Variants in MAPK4 observed in about 807,000 individuals in gnomAD.
The protein encoded by MAPK4 is mitogen-activated protein kinase 4.
MAPK4 carries 22 observed loss-of-function variants against 47.7 expected under a neutral mutation model. The observed-to-expected ratio is 0.46, with a 90% CI of 0.33 to 0.66. The LOEUF is 0.66. Ranked by LOEUF, MAPK4 falls within the 30% of genes least tolerant of loss-of-function variation. The pLI is 0.02. For missense variants in MAPK4, 736 were observed against 831.7 expected (o/e 0.88, Z 1.42); for synonymous variants, 390 against 365.7 (o/e 1.07, Z -0.76).
At chr18:50,584,954 C>G (rs912174496) in intron 1 of MAPK4, among the ~76,000 whole-genome samples, 2 of 152,228 alleles carry the variant, frequency 1.3e-5, no homozygotes, top group African/African-American at 4.8e-5. Flanking sequence ...CCTTGCATAA[C>G]TGAAGGAAAT....
In MAPK4 at chr18:50,624,437, T is replaced by C. The variant is rs142382248; in HGVS notation, c.-870-38652T>C. ...GGCAGTGTAGTACTGTATATGGCGA[T>C]GCTGTGGAGCTATTCCATGATGTTG... On this transcript the variant is annotated intron_variant, in intron 1 of 5. Coordinates refer to ENST00000400384, the MANE Select transcript of MAPK4 (RefSeq NM_002747.4). 4.2e-3 allele frequency among the ~76,000 whole-genome samples: 640 copies of C among 151,380 alleles called. 7 individuals are homozygous for C. The highest frequency in any genetic ancestry group is 0.015 in the African/African-American group (608 of 40,652).
At chr18:50,596,549 C>T (rs1212626272) in intron 1 of MAPK4, among the ~76,000 whole-genome samples, 2 of 152,106 alleles carry the variant, frequency 1.3e-5, no homozygotes, top group Non-Finnish European at 2.9e-5. Flanking sequence ...AGCTCCAGAC[C>T]TCATTACAGG....
chr18:50,670,461 A>C (rs998730592), intron 2 of MAPK4, among the ~76,000 whole-genome samples: 2 of 152,070 alleles, frequency 1.3e-5, no homozygotes, highest in Non-Finnish European at 2.9e-5. Flanking sequence ...GGATGCCTTA[A>C]AAATTAACTA....
In MAPK4 at chr18:50,729,365, G is replaced by A. The variant is rs201785400; in HGVS notation, c.1275G>A (p.Gly425=). Reference sequence around the variant, plus strand: ...AGCGCGCCTTCGAGGCCGACTACGGGCGCTCCTGCGACTACAAGGTGGGGT... The same window carrying A: ...AGCGCGCCTTCGAGGCCGACTACGGACGCTCCTGCGACTACAAGGTGGGGT... ...SMERAFEADY[G]RSCDYKVGSP... is the part of the protein sequence containing the mutation. Residue 425 remains glycine (G), a synonymous_variant, in exon 6 of 6, where the codon GGG becomes GGA. Transcript: ENST00000400384. 71 of 1,575,432 alleles carry A rather than the reference G, an allele frequency of 4.5e-5. No individual in the cohort carries two copies. In the African/African-American group the frequency reaches 8.7e-4, roughly 19 times the overall value.
At chr18:50,716,478 A>G (rs985171051) in intron 3 of MAPK4, among the ~76,000 whole-genome samples, 1 of 152,048 alleles carries the variant, frequency 6.6e-6, no homozygotes, top group Admixed American at 6.6e-5. Flanking sequence ...TACTCAAAGA[A>G]TTTTCATCCA....
At chr18:50,668,332 C>T (rs576266999) in intron 2 of MAPK4, among the ~76,000 whole-genome samples, 7 of 152,300 alleles carry the variant, frequency 4.6e-5, no homozygotes, top group African/African-American at 7.2e-5. Flanking sequence ...CATGGGTGGA[C>T]AGTATGTCTC....
chr18:50,665,329 T>C lies in MAPK4; in HGVS notation c.546+825T>C, dbSNP rs149911482. Among the ~76,000 whole-genome samples, 17 of 152,336 alleles carry C rather than the reference T, an allele frequency of 1.1e-4. No individual in the cohort carries two copies. In the East Asian group the frequency reaches 3.3e-3, roughly 29 times the overall value. On this transcript the variant is annotated intron_variant, in intron 2 of 5. Transcript: ENST00000400384. The stretch of plus-strand genomic sequence containing the variant: ...CCCCTGCCCCGGGTTCCTGCCACTT[T>C]AGGGGTGCCTCTGAGCCCCTCAGCA...
chr18:50,562,019 C>T (rs554218594), intron 1 of MAPK4, among the ~76,000 whole-genome samples: 1 of 152,282 alleles, frequency 6.6e-6, no homozygotes, highest in South Asian at 2.1e-4. Context: ...TGTGGGAATA[C>T]TCAGTGCTTT....
intron 1 of MAPK4, among the ~76,000 whole-genome samples, chr18:50,618,276 T>TTGTTGAAAGC (rs904044099): frequency 1.3e-5 from 2 of 152,192 alleles, no homozygotes; most frequent in African/African-American, 4.8e-5. Context: ...TTCCCTGGTA[T>TTGTTGAAAGC]TGTTGAAAGC....
chr18:50,594,036 C>A lies in MAPK4; in HGVS notation c.-871+33793C>A, dbSNP rs551440160. Among the ~76,000 whole-genome samples, 25 of 152,266 alleles carry A rather than the reference C, an allele frequency of 1.6e-4. No homozygotes were observed. The South Asian group carries it at 5.2e-3, about 32-fold the overall frequency. ...TGGCCAAAGGCCCAAGAGACCCTGG[C>A]AAACCACTGGTGTAACTCCAAAAGT... On this transcript the variant is annotated intron_variant, in intron 1 of 5. Transcript: ENST00000400384.
At chr18:50,597,256 G>T (rs2042490481) in intron 1 of MAPK4, among the ~76,000 whole-genome samples, 1 of 152,196 alleles carries the variant, frequency 6.6e-6, no homozygotes, top group South Asian at 2.1e-4. Flanking sequence ...CCACAGGAAA[G>T]GTCTCTTGGA....
At chr18:50,721,822 A>G (rs1217744430) in intron 3 of MAPK4, 116 bp from the exon 4 acceptor site, 6 of 943,910 alleles carry the variant, frequency 6.4e-6, no homozygotes, top group African/African-American at 5.1e-5. Context: ...GTCCCAGCCC[A>G]GTGCTGCCCC....
intron 2 of MAPK4, among the ~76,000 whole-genome samples, chr18:50,698,231 G>A (rs1367405535): frequency 2.0e-5 from 3 of 152,160 alleles, no homozygotes; most frequent in Non-Finnish European, 4.4e-5. Context: ...GGGGCTTCTA[G>A]AACCAGAGGC....
chr18:50,615,386 G>T (rs1042706511), intron 1 of MAPK4, among the ~76,000 whole-genome samples: 14 of 152,204 alleles, frequency 9.2e-5, no homozygotes, highest in Non-Finnish European at 1.8e-4. Flanking sequence ...CAGCCTTGGG[G>T]ACCCAGGCTC....
At chr18:50,563,610 T>C (rs1353363995) in intron 1 of MAPK4, among the ~76,000 whole-genome samples, 1 of 152,204 alleles carries the variant, frequency 6.6e-6, no homozygotes, top group Non-Finnish European at 1.5e-5. Context: ...GAGCTGAACT[T>C]GACTGTAATC....
intron 1 of MAPK4, among the ~76,000 whole-genome samples, chr18:50,661,409 CA>C (rs2144243125): frequency 6.6e-6 from 1 of 152,336 alleles, no homozygotes; most frequent in Admixed American, 6.5e-5. Context: ...TGGGCATCCT[CA>C]AACAGAGTGA....
chr18:50,640,729 G>C (rs1015385233), intron 1 of MAPK4, among the ~76,000 whole-genome samples: 2 of 152,162 alleles, frequency 1.3e-5, no homozygotes, highest in Non-Finnish European at 2.9e-5. Flanking sequence ...GCCTACCAAA[G>C]TGCTGGGATT....
rs921828389 is a variant in MAPK4 at position 50,576,408 on chromosome 18, A to G, written c.-871+16165A>G. ...GTAGGAACAGAAAACCAAATACTGC[A>G]TGTTCACACATATAATGGGAGCCAA... On this transcript the variant is annotated intron_variant, in intron 1 of 5. Transcript: ENST00000400384. Among the ~76,000 whole-genome samples the G allele has an allele frequency of 2.6e-5, 4 of 152,338 alleles. No homozygotes were observed. In the South Asian group the frequency reaches 8.3e-4, roughly 32 times the overall value.
chr18:50,710,637 G>A (rs11663954), intron 2 of MAPK4, among the ~76,000 whole-genome samples: 1 of 151,248 alleles, frequency 6.6e-6, no homozygotes, highest in Admixed American at 6.6e-5. Context: ...AAAATTAGCC[G>A]GGCGTGGTGG....
Sources: gnomAD v4.1 joint callset for allele counts (sites outside exome capture counted in the v4.1 genomes callset) on GRCh38, gnomAD v4.1.1 for gene constraint, MANE v1.5 for transcripts, NCBI Gene and HGNC (gene_info 2026-07-23, HGNC 2026-07-21) for gene names.